Variants in NAALADL2 observed in about 807,000 individuals in gnomAD.
NAALADL2 encodes the protein inactive N-acetylated-alpha-linked acidic dipeptidase-like protein 2.
Under a neutral mutation model 87.2 loss-of-function variants are expected in NAALADL2, and 76 were observed. That is an observed-to-expected ratio of 0.87 (90% CI 0.72 to 1.05). The LOEUF is 1.05. Ranked by LOEUF, NAALADL2 falls within the 50% of genes least tolerant of loss-of-function variation. The pLI, the probability that NAALADL2 is intolerant of heterozygous loss-of-function variation, is 0.00. For synonymous variants in NAALADL2, 354 were observed against 331.0 expected, an observed-to-expected ratio of 1.07 and a Z score of -0.75; for missense variants, 1,089 against 945.8, an observed-to-expected ratio of 1.15 and a Z score of -1.99.
chr3:174,527,860 A>G (rs1297623229), intron 1 of NAALADL2, among the ~76,000 whole-genome samples: 2 of 152,148 alleles, frequency 1.3e-5, no homozygotes, highest in Non-Finnish European at 2.9e-5. Context: ...GCTATTTCGT[A>G]TTGGAAAGGG....
intron 2 of NAALADL2, among the ~76,000 whole-genome samples, chr3:174,652,694 G>A (rs1228544051): frequency 6.6e-6 from 1 of 152,120 alleles, no homozygotes; most frequent in African/African-American, 2.4e-5. Flanking sequence ...TGAGATTTGG[G>A]TGGGACACAG....
intron 1 of NAALADL2, among the ~76,000 whole-genome samples, chr3:174,922,118 CA>C (rs1319216782): frequency 6.6e-6 from 1 of 151,650 alleles, no homozygotes; most frequent in Non-Finnish European, 1.5e-5. Context: ...CCAGGTTGGC[CA>C]AAAGAATGAA....
At chr3:174,996,756 A>G (rs909320775) in intron 1 of NAALADL2, among the ~76,000 whole-genome samples, 1 of 152,018 alleles carries the variant, frequency 6.6e-6, no homozygotes, top group African/African-American at 2.4e-5. Flanking sequence ...TGCACACTGT[A>G]CCCAATATGT....
intron 3 of NAALADL2, among the ~76,000 whole-genome samples, chr3:174,779,688 T>A (rs1034592618): frequency 6.6e-6 from 1 of 152,224 alleles, no homozygotes; most frequent in African/African-American, 2.4e-5. Flanking sequence ...GTTTTCTGCA[T>A]ATGGCTAGAC....
At chr3:175,292,659 A>G (rs927255460) in intron 4 of NAALADL2, among the ~76,000 whole-genome samples, 2 of 151,374 alleles carry the variant, frequency 1.3e-5, no homozygotes, top group African/African-American at 2.4e-5. Flanking sequence ...TTCATTCTGG[A>G]GTTCTGATAA....
intron 5 of NAALADL2, among the ~76,000 whole-genome samples, chr3:175,441,172 C>G (rs1333634386): frequency 6.6e-6 from 1 of 151,830 alleles, no homozygotes; most frequent in Non-Finnish European, 1.5e-5. Context: ...CAACTAACTA[C>G]AGATTGAAAG....
At chr3:175,364,381 A>G (rs1765333999) in intron 5 of NAALADL2, among the ~76,000 whole-genome samples, 1 of 148,028 alleles carries the variant, frequency 6.8e-6, no homozygotes, top group African/African-American at 2.5e-5. Flanking sequence ...AAAGAAGGCA[A>G]GAGAAAAGAT....
intron 1 of NAALADL2, among the ~76,000 whole-genome samples, chr3:174,965,282 T>C (rs1015383049): frequency 2.0e-5 from 3 of 152,116 alleles, no homozygotes; most frequent in Admixed American, 1.3e-4. Flanking sequence ...GGGAAGCAGC[T>C]TTTCCTACAA....
intron 1 of NAALADL2, among the ~76,000 whole-genome samples, chr3:174,867,761 A>G (rs1174336894): frequency 6.6e-6 from 1 of 152,144 alleles, no homozygotes; most frequent in African/African-American, 2.4e-5. Flanking sequence ...ACCATTGGCA[A>G]ATAAAAATTG....
chr3:175,117,909 T>C (rs1461691377), intron 2 of NAALADL2, among the ~76,000 whole-genome samples: 1 of 152,112 alleles, frequency 6.6e-6, no homozygotes, highest in Non-Finnish European at 1.5e-5. Flanking sequence ...ATGTGGCATG[T>C]ACACACCATG....
At chr3:175,435,961 T>C (rs1581874587) in intron 5 of NAALADL2, among the ~76,000 whole-genome samples, 1 of 147,180 alleles carries the variant, frequency 6.8e-6, no homozygotes, top group African/African-American at 2.5e-5. Context: ...TAACTCGTCA[T>C]CTAGCATTAG....
intron 2 of NAALADL2, among the ~76,000 whole-genome samples, chr3:174,707,435 G>T (rs1396242448): frequency 6.6e-6 from 1 of 152,078 alleles, no homozygotes; most frequent in East Asian, 1.9e-4. Flanking sequence ...AGAAAATGTG[G>T]CACATATACA....
At chr3:174,997,133 A>G (rs958493335) in intron 1 of NAALADL2, among the ~76,000 whole-genome samples, 1 of 151,556 alleles carries the variant, frequency 6.6e-6, no homozygotes, top group African/African-American at 2.4e-5. Flanking sequence ...AGAATTGTGC[A>G]GCTATAAATG....
intron 4 of NAALADL2, among the ~76,000 whole-genome samples, chr3:175,277,135 T>C (rs1360681947): frequency 6.6e-6 from 1 of 152,206 alleles, no homozygotes; most frequent in Non-Finnish European, 1.5e-5. Context: ...TAGACAAATA[T>C]ATGTTTAAAT....
chr3:175,368,257 C>T (rs1332903628), intron 5 of NAALADL2, among the ~76,000 whole-genome samples: 1 of 152,110 alleles, frequency 6.6e-6, no homozygotes, highest in Non-Finnish European at 1.5e-5. Flanking sequence ...ATTCGGGTTG[C>T]CAGTATTTTA....
chr3:175,456,596 T>C (rs1722356355), intron 6 of NAALADL2, among the ~76,000 whole-genome samples: 1 of 152,064 alleles, frequency 6.6e-6, no homozygotes, highest in Non-Finnish European at 1.5e-5. Flanking sequence ...GTTGCAATAG[T>C]AAAAGTATTT....
chr3:175,329,192 G>A (rs557176150), intron 5 of NAALADL2, among the ~76,000 whole-genome samples: 21 of 152,140 alleles, frequency 1.4e-4, no homozygotes, highest in African/African-American at 2.9e-4. Context: ...TTAAAGCTTC[G>A]TATCTATGTC....
intron 11 of NAALADL2, among the ~76,000 whole-genome samples, chr3:175,690,105 A>G (rs759198033): frequency 5.9e-4 from 90 of 152,218 alleles, no homozygotes; most frequent in Middle Eastern, 6.8e-3. Flanking sequence ...AAATATATAG[A>G]GAAAGTTTGA....
chr3:174,676,396 T>C (rs952765249), intron 2 of NAALADL2, among the ~76,000 whole-genome samples: 10 of 139,580 alleles, frequency 7.2e-5, no homozygotes. Context: ...TCATAGCCAG[T>C]ATTCTATGTG....
Sources: allele counts gnomAD v4.1 joint callset (sites outside exome capture counted in the v4.1 genomes callset), GRCh38; gene constraint gnomAD v4.1.1; transcripts MANE v1.5; gene names NCBI Gene and HGNC (gene_info 2026-07-23, HGNC 2026-07-21).